Variants in DMC1 observed in about 807,000 individuals in gnomAD.
The protein encoded by DMC1 is meiotic recombination protein DMC1 homolog.
DMC1 carries 27 observed loss-of-function variants against 50.1 expected under a neutral mutation model. That is an observed-to-expected ratio of 0.54 (90% CI 0.40 to 0.74). The LOEUF is 0.74. DMC1 is among the 30% of genes least tolerant of loss of function. DMC1 has a pLI of 0.00. For missense variants in DMC1, 295 were observed against 420.2 expected (o/e 0.70, Z 2.60); for synonymous variants, 148 against 136.1 (o/e 1.09, Z -0.61).
At chr22:38,539,488 C>G (rs950766622) in intron 8 of DMC1, 76 bp from the exon 9 acceptor site, 50 of 1,139,628 alleles carry the variant, frequency 4.4e-5, no homozygotes, top group East Asian at 4.0e-4. Context: ...AACATAATAT[C>G]TTCCGTAAAT....
chr22:38,533,296 C>T (rs780605053), intron 12 of DMC1, among the ~76,000 whole-genome samples: 1 of 148,560 alleles, frequency 6.7e-6, no homozygotes, highest in Non-Finnish European at 1.5e-5. Context: ...CTAGGGAGGC[C>T]GAGGTGACAG....
intron 8 of DMC1, among the ~76,000 whole-genome samples, chr22:38,546,287 G>C (rs2090343762): frequency 1.1e-5 from 1 of 88,240 alleles, no homozygotes; most frequent in African/African-American, 1.3e-4. Flanking sequence ...CTACTCGGGA[G>C]GCTGAGGAGG....
At chr22:38,553,539 T>C (rs1350946833) in intron 6 of DMC1, among the ~76,000 whole-genome samples, 4 of 145,096 alleles carry the variant, frequency 2.8e-5, no homozygotes, top group Non-Finnish European at 6.0e-5. Flanking sequence ...CCCTACCACC[T>C]GGGGTAAAGT....
the DMC1 span, among the ~76,000 whole-genome samples, chr22:38,512,086 C>T: frequency 1.2e-4 from 18 of 152,140 alleles, no homozygotes; most frequent in African/African-American, 2.2e-4. Context: ...GAGATTCACC[C>T]GCCTCAACCT....
At chr22:38,554,946 T>C (rs2090453125) in intron 6 of DMC1, among the ~76,000 whole-genome samples, 1 of 151,362 alleles carries the variant, frequency 6.6e-6, no homozygotes, top group Non-Finnish European at 1.5e-5. Flanking sequence ...TAGCTGGGAG[T>C]GGTGGCAGGC....
chr22:38,531,120 T>C (rs1346625311), intron 12 of DMC1, among the ~76,000 whole-genome samples: 1 of 152,186 alleles, frequency 6.6e-6, no homozygotes, highest in African/African-American at 2.4e-5. Context: ...AGACTGCAAA[T>C]GTTCTACGGT....
At chr22:38,563,408 G>T (rs976175512) in intron 4 of DMC1, among the ~76,000 whole-genome samples, 1 of 152,170 alleles carries the variant, frequency 6.6e-6, no homozygotes, top group Non-Finnish European at 1.5e-5. Flanking sequence ...CTACTTGAGT[G>T]AGCCAAGTCT....
intron 12 of DMC1, among the ~76,000 whole-genome samples, chr22:38,533,395 C>CAAAAAAAAAA (rs1296043692): frequency 2.6e-5 from 1 of 38,486 alleles, no homozygotes; most frequent in African/African-American, 8.0e-5. Flanking sequence ...GACTCCATCA[C>CAAAAAAAAAA]AAAAAAAAAA....
rs538277298 is a variant in DMC1 at position 38,524,154 on chromosome 22, G to A, written c.837-2430C>T. Among the ~76,000 whole-genome samples, 89 of 152,238 alleles carry A rather than the reference G, an allele frequency of 5.8e-4. 1 individual carries two copies. The highest frequency in any genetic ancestry group is 6.8e-3 in the Middle Eastern group (2 of 294). ...GGCTTGGCCGGGCACAGTGGCTCAT[G>A]CCTGTAATCCCAGCACTTTGGGAGG... On this transcript the variant is annotated intron_variant, in intron 12 of 13. Transcript: ENST00000216024.
At chr22:38,564,894 G>C (rs1366967887) in intron 4 of DMC1, among the ~76,000 whole-genome samples, 1 of 152,138 alleles carries the variant, frequency 6.6e-6, no homozygotes, top group Non-Finnish European at 1.5e-5. Flanking sequence ...GCTGGGTTCA[G>C]AGTGATTCAG....
At chr22:38,516,488 C>T (rs2089977582), downstream of DMC1, among the ~76,000 whole-genome samples, 1 of 152,170 alleles carries the variant, frequency 6.6e-6, no homozygotes, top group Non-Finnish European at 1.5e-5. Flanking sequence ...GCAAATTGGT[C>T]CACCCCCTCT....
chr22:38,566,462 G>A, intron 4 of DMC1, 128 bp downstream of exon 4: 1 of 973,048 alleles, frequency 1.0e-6, no homozygotes, highest in South Asian at 1.4e-5. Flanking sequence ...AAGTTAACAT[G>A]GGGAGTATAA....
intron 7 of DMC1, among the ~76,000 whole-genome samples, chr22:38,551,733 T>C (rs2090413156): frequency 6.6e-6 from 1 of 152,106 alleles, no homozygotes. Flanking sequence ...CATTTGGCAC[T>C]GTCATTATTT....
chr22:38,548,266 C>T (rs11570416), intron 8 of DMC1, among the ~76,000 whole-genome samples: 2,420 of 152,240 alleles, frequency 0.016, 71 homozygotes, highest in African/African-American at 0.055. Context: ...TCCTCATGTA[C>T]ATCATATTCA....
Position 38,566,693 on chromosome 22 carries a change from G to T in DMC1, c.140C>A (p.Thr47Asn). The T allele has an allele frequency of 1.2e-6, 2 of 1,612,652 alleles. No homozygotes were observed. The highest frequency in any genetic ancestry group is 1.1e-5 in the South Asian group (1 of 91,040). Residue 47 changes from threonine to asparagine, a missense_variant, in exon 4 of 14, where the codon ACC (threonine) becomes AAC (asparagine). Physicochemically the swap from Thr to Asn is moderately conservative, Grantham distance 65. Coordinates refer to ENST00000216024, the MANE Select transcript of DMC1 (RefSeq NM_007068.4). Reference protein sequence around the residue: ...IKKLKSVGICTIKGIQMTTRR... With the variant: ...IKKLKSVGICNIKGIQMTTRR... ...TGTTGTCATCTGTATACCTTTGATG[G>T]TACAGATTCCTACTGATTTCAGTTT...
At chr22:38,531,054 C>G (rs570749749) in intron 12 of DMC1, among the ~76,000 whole-genome samples, 29 of 151,874 alleles carry the variant, frequency 1.9e-4, no homozygotes, top group South Asian at 1.7e-3. Flanking sequence ...TGGGTGACAA[C>G]AAACAAACAA....
intron 9 of DMC1, among the ~76,000 whole-genome samples, chr22:38,538,905 G>T (rs1025592580): frequency 6.6e-6 from 1 of 151,910 alleles, no homozygotes; most frequent in Non-Finnish European, 1.5e-5. Flanking sequence ...GTGTGGTGGC[G>T]TGTGCCTGTA....
At chr22:38,527,254 G>C (rs1569154401) in intron 12 of DMC1, among the ~76,000 whole-genome samples, 2 of 151,744 alleles carry the variant, frequency 1.3e-5, no homozygotes, top group African/African-American at 4.8e-5. Context: ...ATCCAGGCTA[G>C]AGTTCAGTGC....
rs2090004644 is a variant in DMC1 at position 38,519,853 on chromosome 22, TA to T, written c.*166del. On this transcript the variant is annotated 3_prime_UTR_variant, in exon 14 of 14. Coordinates refer to ENST00000216024, the MANE Select transcript of DMC1 (RefSeq NM_007068.4). ...ATTTACATACAATGTATAGTTATCA[TA>T]AATCAGGGACTTTTAAGATAAATAT... is the stretch of plus-strand genomic sequence containing the variant. The T allele has an allele frequency of 4.9e-6, 3 of 611,904 alleles. No individual in the cohort carries two copies. In the Admixed American group the frequency reaches 7.0e-5, roughly 14 times the overall value. 37.9% of individuals were successfully genotyped at this position (611,904 alleles called of 1,614,324 possible).
Sources: gnomAD v4.1 joint callset for allele counts (sites outside exome capture counted in the v4.1 genomes callset) on GRCh38, gnomAD v4.1.1 for gene constraint, MANE v1.5 for transcripts, NCBI Gene and HGNC (gene_info 2026-07-23, HGNC 2026-07-21) for gene names.